Variants in MYH9 observed in about 807,000 individuals in gnomAD.
MYH9 encodes myosin-9.
MYH9 carries 29 observed loss-of-function variants against 241.9 expected under a neutral mutation model. The ratio of observed to expected loss-of-function variants is 0.12; its 90% CI spans 0.09 to 0.16. MYH9 has a LOEUF of 0.16. Ranked by LOEUF, MYH9 falls within the 10% of genes least tolerant of loss-of-function variation. The pLI is 1.00. For synonymous variants in MYH9, 1,047 were observed against 1,062.6 expected (o/e 0.99, Z 0.29); for missense variants, 1,803 against 2,595.5 (o/e 0.69, Z 6.63).
At chr22:36,351,719 G>C (rs2017767934) in intron 1 of MYH9, among the ~76,000 whole-genome samples, 1 of 151,938 alleles carries the variant, frequency 6.6e-6, no homozygotes, top group Non-Finnish European at 1.5e-5. Context: ...CAGGTCTCAG[G>C]CTGCGGGTTC....
At chr22:36,337,505 G>C (rs1979579032) in intron 3 of MYH9, among the ~76,000 whole-genome samples, 1 of 152,168 alleles carries the variant, frequency 6.6e-6, no homozygotes, top group East Asian at 1.9e-4. Flanking sequence ...ACAGATAAAG[G>C]CAGATGGAGG....
chr22:36,341,238 C>T (rs2017583712), intron 3 of MYH9, 132 bp downstream of exon 3: 2 of 1,133,304 alleles, frequency 1.8e-6, no homozygotes, highest in Admixed American at 3.8e-5. Context: ...GGTCTACAGA[C>T]CTCCATGATG....
chr22:36,293,472 G>T lies in MYH9; in HGVS notation c.3952C>A (p.Gln1318Lys), dbSNP rs1950187262. 6.2e-7 allele frequency: 1 copy of T among 1,613,180 alleles called. No homozygotes were observed. The highest frequency in any genetic ancestry group is 1.3e-5 in the African/African-American group (1 of 74,918). ...SQLQDTQELL[Q>K]EENRQKLSLS... ...CTCAGCTTCTGCCGGTTCTCCTCCTGCAGCAGCTCCTACTCGCGGGTTGAG... is the reference window on the plus strand; with the variant it reads ...CTCAGCTTCTGCCGGTTCTCCTCCTTCAGCAGCTCCTACTCGCGGGTTGAG... Residue 1318 changes from glutamine (Q) to lysine (K), a missense_variant, in exon 30 of 41, where the codon CAG becomes AAG. By Grantham distance (53) the Gln-to-Lys change is moderately conservative. This residue lies in a region of MYH9 where 876 missense variants were observed against 1,077.8 expected (regional missense o/e 0.81). Coordinates refer to ENST00000216181, the MANE Select transcript of MYH9 (RefSeq NM_002473.6). The surrounding 1 kb of genome is among the most constrained non-coding windows in gnomAD (Gnocchi z 5.1).
intron 3 of MYH9, among the ~76,000 whole-genome samples, chr22:36,333,009 C>T (rs1740294261): frequency 1.3e-5 from 2 of 152,140 alleles, no homozygotes; most frequent in African/African-American, 2.4e-5. Flanking sequence ...TAACATTTCC[C>T]TTGCGAAAAG....
intron 12 of MYH9, among the ~76,000 whole-genome samples, chr22:36,315,908 C>T (rs920949420): frequency 1.3e-5 from 2 of 151,846 alleles, no homozygotes; most frequent in Non-Finnish European, 2.9e-5. Context: ...AGTGGTGGTG[C>T]GTGCCTATAG....
Position 36,286,640 on chromosome 22 carries a change from G to C in MYH9, c.5061+78C>G. On this transcript the variant is annotated intron_variant, in intron 35 of 40. Transcript: ENST00000216181. The stretch of plus-strand genomic sequence containing the variant: ...TGGAGCCCAGTAGGACTCCAGCCCT[G>C]TCCTCAGCTGAAAGCCCCACGCTGC... 3 of 1,595,960 alleles carry C rather than the reference G, an allele frequency of 1.9e-6. No individual in the cohort carries two copies. In the Admixed American group the frequency reaches 5.0e-5, roughly 27 times the overall value.
intron 31 of MYH9, 89 bp from the exon 32 acceptor site, chr22:36,289,386 G>A: frequency 8.0e-7 from 1 of 1,256,672 alleles, no homozygotes; most frequent in East Asian, 2.5e-5. Context: ...GGAAGGAGGA[G>A]CCCAGAGGCC....
Position 36,293,277 on chromosome 22 carries a change from G to A in MYH9, c.4095+52C>T. On this transcript the variant is annotated intron_variant, in intron 30 of 40. Coordinates refer to ENST00000216181, the MANE Select transcript of MYH9 (RefSeq NM_002473.6). The surrounding 1 kb of genome is among the most constrained non-coding windows in gnomAD (Gnocchi z 5.1). ...CCTGCAGTGCCCAGGCCAGTGCCCGGCCAGCAGCTCCCCAGCCTGCAGAGT... is the reference window on the plus strand; with the variant it reads ...CCTGCAGTGCCCAGGCCAGTGCCCGACCAGCAGCTCCCCAGCCTGCAGAGT... 1 of 1,611,036 alleles carries A rather than the reference G, an allele frequency of 6.2e-7. No individual in the cohort carries two copies. The highest frequency in any genetic ancestry group is 8.5e-7 in the Non-Finnish European group (1 of 1,179,018).
chr22:36,375,760 C>T (rs1391284002), intron 1 of MYH9, among the ~76,000 whole-genome samples: 3 of 152,102 alleles, frequency 2.0e-5, no homozygotes, highest in African/African-American at 4.8e-5. Flanking sequence ...TGGTGGCTCA[C>T]GCCTATAATC....
In MYH9 at chr22:36,353,102, CGTGTGTGTGT is replaced by C. The variant is rs71323001; in HGVS notation, c.-19-3857_-19-3848del. Among the ~76,000 whole-genome samples the C allele has an allele frequency of 5.6e-5, 8 of 142,876 alleles. 1 individual carries two copies. Among genetic ancestry groups the C allele is most frequent in the African/African-American group, 1.1e-4 (4 of 36,020 alleles). The allele number at this position is 142,876 out of a possible 152,430, so 93.7% of individuals were successfully genotyped here. A position where few individuals can be genotyped will look rare whatever the true frequency, so the allele number is the denominator to read the frequency against. ...CACTCGTATCCTGTGCCTCTGGGGG[CGTGTGTGTGT>C]GTGTGTGTGTGTGTGTGTGTATAAG... On this transcript the variant is annotated intron_variant, in intron 1 of 40. Coordinates refer to ENST00000216181, the MANE Select transcript of MYH9 (RefSeq NM_002473.6).
chr22:36,286,891 C>T, intron 34 of MYH9, 45 bp from the exon 35 acceptor site: 1 of 1,600,800 alleles, frequency 6.2e-7, no homozygotes, highest in Non-Finnish European at 8.5e-7. Context: ...GCTCCTTGGC[C>T]CTCCACCCCA....
intron 1 of MYH9, among the ~76,000 whole-genome samples, chr22:36,364,259 A>T (rs1236828426): frequency 6.6e-6 from 1 of 152,178 alleles, no homozygotes; most frequent in Non-Finnish European, 1.5e-5. Context: ...CCCAGTAGCC[A>T]TCTCACCTCT....
chr22:36,287,000 A>C (rs572636064), intron 34 of MYH9, 154 bp from the exon 35 acceptor site: 1 of 1,029,654 alleles, frequency 9.7e-7, no homozygotes, highest in Non-Finnish European at 1.5e-6. Flanking sequence ...AAAGGCAACT[A>C]AAGACAATCA....
chr22:36,375,344 C>T (rs890769149), intron 1 of MYH9, among the ~76,000 whole-genome samples: 1 of 152,230 alleles, frequency 6.6e-6, no homozygotes, highest in Non-Finnish European at 1.5e-5. Flanking sequence ...TTAGGACCAA[C>T]CACATTCATT....
intron 3 of MYH9, among the ~76,000 whole-genome samples, chr22:36,331,130 G>C (rs116218472): frequency 0.019 from 2,919 of 152,210 alleles, 85 homozygotes; most frequent in African/African-American, 0.068. Flanking sequence ...CCACAGCCGA[G>C]AGCGCTGTGG....
Position 36,281,854 on chromosome 22 carries a change from C to G in MYH9, c.*814G>C, listed in dbSNP as rs942885050. 8.7e-6 allele frequency: 2 copies of G among 231,160 alleles called. No homozygotes were observed. Among genetic ancestry groups the G allele is most frequent in the Non-Finnish European group, 1.7e-5 (2 of 116,572 alleles). 14.3% of individuals were successfully genotyped at this position (231,160 alleles called of 1,614,324 possible). A position where few individuals can be genotyped will look rare whatever the true frequency, so the allele number is the denominator to read the frequency against. On this transcript the variant is annotated 3_prime_UTR_variant, in exon 41 of 41. Coordinates refer to ENST00000216181, the MANE Select transcript of MYH9 (RefSeq NM_002473.6). ...TCTGGCTGTCAGACTTGGGACAAGT[C>G]CCTTAACCATTAAATATATTTGGTC...
intron 2 of MYH9, among the ~76,000 whole-genome samples, chr22:36,348,141 A>T (rs911387060): frequency 1.2e-4 from 18 of 148,762 alleles, no homozygotes; most frequent in African/African-American, 2.4e-4. Context: ...ATTTAAAAAA[A>T]TTTTTAAAGA....
Position 36,296,850 on chromosome 22 carries a change from G to A in MYH9, c.3265C>T (p.Leu1089=). 1 of 1,610,082 alleles carries A rather than the reference G, an allele frequency of 6.2e-7. No homozygotes were observed. The highest frequency in any genetic ancestry group is 8.5e-7 in the Non-Finnish European group (1 of 1,178,990). Residue 1089 remains leucine (L), a synonymous_variant, in exon 25 of 41, where the codon CTG becomes TTG. Transcript: ENST00000216181. ...GGCAGGCGGGGTCCTCACCTGGCCAGGGCGGCCTGGAGCTCCTCCTCTTTC... is the reference window on the plus strand; with the variant it reads ...GGCAGGCGGGGTCCTCACCTGGCCAAGGCGGCCTGGAGCTCCTCCTCTTTC... ...AKKEEELQAA[L]ARVEEEAAQK...
intron 31 of MYH9, among the ~76,000 whole-genome samples, chr22:36,290,047 C>A (rs985002153): frequency 1.3e-5 from 2 of 152,260 alleles, no homozygotes; most frequent in South Asian, 4.1e-4. Flanking sequence ...ACTGTTCTAT[C>A]CTGCCCCCGA....
Sources: allele counts gnomAD v4.1 joint callset (sites outside exome capture counted in the v4.1 genomes callset), GRCh38; gene constraint gnomAD v4.1.1; regional missense constraint gnomAD v4.1.1; non-coding constraint Gnocchi (gnomAD v3.1); transcripts MANE v1.5; gene names NCBI Gene and HGNC (gene_info 2026-07-23, HGNC 2026-07-21).